Variants in UQCC1 observed in about 807,000 individuals in gnomAD.
The protein encoded by UQCC1 is bFGF-repressed Zic-binding protein.
In UQCC1, 38 loss-of-function variants were observed where a neutral mutation model predicts 48.0. The ratio of observed to expected loss-of-function variants is 0.79; its 90% CI spans 0.61 to 1.04. The LOEUF (loss-of-function observed/expected upper bound fraction) is 1.04, where lower values mean the gene tolerates loss of function less well. Ranked by LOEUF, UQCC1 falls within the 50% of genes least tolerant of loss-of-function variation. The pLI, the probability that UQCC1 is intolerant of heterozygous loss-of-function variation, is 0.00. For missense variants in UQCC1, 368 were observed against 381.8 expected (o/e 0.96, Z 0.30); for synonymous variants, 111 against 129.2 (o/e 0.86, Z 0.95).
At chr20:35,320,212 G>A (rs936184337) in intron 7 of UQCC1, among the ~76,000 whole-genome samples, 1 of 152,122 alleles carries the variant, frequency 6.6e-6, no homozygotes, top group African/African-American at 2.4e-5. Context: ...ATCTACAGGT[G>A]CCCCAAAGTG....
chr20:35,390,975 C>G (rs1408094189), intron 2 of UQCC1, among the ~76,000 whole-genome samples: 1 of 152,062 alleles, frequency 6.6e-6, no homozygotes, highest in Non-Finnish European at 1.5e-5. Flanking sequence ...GTGGGCGGAT[C>G]ACCTCGGATC....
chr20:35,361,995 C>T (rs2061610812), intron 6 of UQCC1, among the ~76,000 whole-genome samples: 1 of 152,180 alleles, frequency 6.6e-6, no homozygotes, highest in South Asian at 2.1e-4. Context: ...TGAGAAGGTA[C>T]TAGTGCTCCA....
chr20:35,405,412 G>A (rs964124215), intron 1 of UQCC1, among the ~76,000 whole-genome samples: 3 of 152,218 alleles, frequency 2.0e-5, no homozygotes, highest in Non-Finnish European at 4.4e-5. Context: ...TATTTAAAAT[G>A]TCCAGTTTTC....
intron 8 of UQCC1, among the ~76,000 whole-genome samples, chr20:35,313,293 G>A (rs187305342): frequency 9.4e-5 from 14 of 149,046 alleles, no homozygotes; most frequent in East Asian, 4.0e-4. Context: ...GAAGAATGGC[G>A]TGAACCTGGG....
chr20:35,366,064 T>C (rs1055620557), intron 6 of UQCC1, among the ~76,000 whole-genome samples: 2 of 152,234 alleles, frequency 1.3e-5, no homozygotes, highest in Non-Finnish European at 2.9e-5. Context: ...AAAAATATAC[T>C]GTTTAAGGTG....
chr20:35,322,772 C>T (rs916718624), intron 7 of UQCC1, among the ~76,000 whole-genome samples: 19 of 152,064 alleles, frequency 1.2e-4, no homozygotes, highest in African/African-American at 4.3e-4. Context: ...CGTTAAGTCA[C>T]TTGTAGTCAA....
chr20:35,338,031 T>TA (rs970999065), intron 7 of UQCC1, among the ~76,000 whole-genome samples: 12 of 149,732 alleles, frequency 8.0e-5, no homozygotes, highest in South Asian at 2.1e-4. Flanking sequence ...CCTCTACCCT[T>TA]AAAAAAAACA....
chr20:35,336,074 T>C (rs962432489), intron 7 of UQCC1, among the ~76,000 whole-genome samples: 2 of 152,156 alleles, frequency 1.3e-5, no homozygotes, highest in African/African-American at 4.8e-5. Context: ...ACAATACAAG[T>C]GGATACTGTG....
At chr20:35,337,893 G>A (rs552045482) in intron 7 of UQCC1, among the ~76,000 whole-genome samples, 8 of 151,798 alleles carry the variant, frequency 5.3e-5, no homozygotes, top group East Asian at 1.9e-4. Context: ...TCCCCGTCAC[G>A]GTCTCCTCTA....
intron 6 of UQCC1, among the ~76,000 whole-genome samples, chr20:35,364,530 G>A (rs1407413070): frequency 3.9e-5 from 6 of 152,326 alleles, no homozygotes. Context: ...TCCTCAAGAA[G>A]AGTGCTGATT....
chr20:35,363,689 T>C (rs949569526), intron 6 of UQCC1, among the ~76,000 whole-genome samples: 1 of 152,170 alleles, frequency 6.6e-6, no homozygotes, highest in Non-Finnish European at 1.5e-5. Flanking sequence ...TGTTTATTAG[T>C]AGTTTGTTTG....
intron 1 of UQCC1, among the ~76,000 whole-genome samples, chr20:35,405,942 G>C (rs2062244967): frequency 6.6e-6 from 1 of 152,192 alleles, no homozygotes; most frequent in African/African-American, 2.4e-5. Flanking sequence ...AAACTCATTA[G>C]AGGGACTGAA....
At chr20:35,382,575 A>T (rs1428390715) in intron 3 of UQCC1, among the ~76,000 whole-genome samples, 4 of 127,002 alleles carry the variant, frequency 3.1e-5, no homozygotes, top group African/African-American at 3.1e-5. Context: ...TGCAGTGGCG[A>T]GATCTCGGCT....
At chr20:35,326,603 G>A (rs117236164) in intron 7 of UQCC1, among the ~76,000 whole-genome samples, 47 of 152,246 alleles carry the variant, frequency 3.1e-4, no homozygotes, top group Admixed American at 9.8e-4. Context: ...CATGTAGGTC[G>A]GTATCATTAC....
intron 2 of UQCC1, among the ~76,000 whole-genome samples, chr20:35,389,114 G>A (rs181168004): frequency 1.4e-4 from 21 of 152,092 alleles, no homozygotes; most frequent in South Asian, 4.2e-4. Context: ...ACTCCTTGGA[G>A]TAATGTTTGA....
chr20:35,399,772 C>T (rs955214014), intron 1 of UQCC1, among the ~76,000 whole-genome samples: 1 of 149,464 alleles, frequency 6.7e-6, no homozygotes, highest in African/African-American at 2.5e-5. Context: ...CATGGAGAAT[C>T]GCTTGAACTG....
At chr20:35,379,294 G>A (rs2061838796) in intron 4 of UQCC1, among the ~76,000 whole-genome samples, 2 of 152,224 alleles carry the variant, frequency 1.3e-5, no homozygotes, top group South Asian at 4.1e-4. Context: ...TACTGCTGAT[G>A]TGGACAGACA....
chr20:35,314,654 A>G, intron 8 of UQCC1, 34 bp downstream of exon 8: 4 of 1,566,044 alleles, frequency 2.6e-6, no homozygotes, highest in Non-Finnish European at 3.5e-6. Context: ...GGGGGAGGCC[A>G]CCGTCCTGCC....
chr20:35,307,879 A>G (rs2060946076), intron 8 of UQCC1, among the ~76,000 whole-genome samples: 1 of 152,238 alleles, frequency 6.6e-6, no homozygotes, highest in Admixed American at 6.5e-5. Context: ...CAGAGCACAG[A>G]GTTCGAATGC....
Sources: gnomAD v4.1 joint callset for allele counts (sites outside exome capture counted in the v4.1 genomes callset) on GRCh38, gnomAD v4.1.1 for gene constraint, MANE v1.5 for transcripts, NCBI Gene and HGNC (gene_info 2026-07-23, HGNC 2026-07-21) for gene names.